The following MATR3 variants were observed in gnomAD, a reference collection of about 807,000 sequenced individuals.
The protein encoded by MATR3 is matrin-3.
MATR3 carries 4 observed loss-of-function variants against 85.5 expected under a neutral mutation model. The ratio of observed to expected loss-of-function variants is 0.05; its 90% CI spans 0.02 to 0.11. The LOEUF is 0.11. Ranked by LOEUF, MATR3 falls within the 10% of genes least tolerant of loss-of-function variation. The pLI is 1.00. For synonymous variants in MATR3, 336 were observed against 343.1 expected (o/e 0.98, Z 0.23); for missense variants, 685 against 1,016.1 (o/e 0.67, Z 4.43).
intron 9 of MATR3, among the ~76,000 whole-genome samples, chr5:139,321,585 C>G (rs1755571682): frequency 6.6e-6 from 1 of 152,122 alleles, no homozygotes; most frequent in African/African-American, 2.4e-5. Flanking sequence ...GAGCCCGAGA[C>G]CAGTCTAGGC....
intron 3 of MATR3, among the ~76,000 whole-genome samples, chr5:139,288,203 CCT>C (rs1753766734): frequency 6.6e-6 from 1 of 151,896 alleles, no homozygotes; most frequent in Non-Finnish European, 1.5e-5. Context: ...AACACGAGAC[CCT>C]GTCTCAAAAA....
chr5:139,301,852 G>A (rs11747676), intron 1 of MATR3, among the ~76,000 whole-genome samples: 83,200 of 151,964 alleles, frequency 0.55, 25,457 homozygotes, highest in Non-Finnish European at 0.7. Context: ...GAAGAAGACA[G>A]TATTATTCCA....
chr5:139,281,406 G>A (rs1266113896), intron 3 of MATR3, among the ~76,000 whole-genome samples: 1 of 137,548 alleles, frequency 7.3e-6, no homozygotes, highest in African/African-American at 2.7e-5. Context: ...GCAGTGGCAC[G>A]ATCTCAGCTC....
intron 14 of MATR3, among the ~76,000 whole-genome samples, chr5:139,328,018 C>G (rs1190898479): frequency 1.3e-5 from 2 of 151,874 alleles, no homozygotes; most frequent in East Asian, 3.9e-4. Flanking sequence ...TGTGCCACTT[C>G]GCCTGGCTAA....
chr5:139,280,957 A>AT (rs886358762), intron 3 of MATR3, among the ~76,000 whole-genome samples: 136 of 146,060 alleles, frequency 9.3e-4, no homozygotes, highest in South Asian at 3.9e-3. Context: ...ATCCCTGTCG[A>AT]TTTTTTTTTT....
chr5:139,283,199 G>A (rs1753593117), intron 3 of MATR3: 1 of 152,240 alleles, frequency 6.6e-6, no homozygotes, highest in African/African-American at 2.4e-5. Flanking sequence ...CCAGAACTAA[G>A]GGTTCTGATG....
chr5:139,310,945 G>C (rs1424705684), intron 2 of MATR3: 1 of 152,412 alleles, frequency 6.6e-6, no homozygotes, highest in African/African-American at 2.4e-5. Context: ...GGGATTACAG[G>C]CATGCGCCAC....
intron 1 of MATR3, among the ~76,000 whole-genome samples, chr5:139,296,185 G>T (rs1251276722): frequency 1.3e-5 from 2 of 152,140 alleles, no homozygotes; most frequent in African/African-American, 2.4e-5. Flanking sequence ...CAGTTATTAA[G>T]AATTTTTTTT....
intron 12 of MATR3, 130 bp downstream of exon 12, chr5:139,323,097 A>G (rs979928384): frequency 1.1e-6 from 1 of 927,824 alleles, no homozygotes; most frequent in Admixed American, 3.0e-5. Flanking sequence ...ATGAACCAGA[A>G]TATAAACATT....
intron 2 of MATR3, chr5:139,311,751 T>A (rs1475050827): frequency 1.8e-4 from 1 of 5,414 alleles, no homozygotes; most frequent in Non-Finnish European, 5.5e-4. Flanking sequence ...TAATTAATCC[T>A]TTTTTTTTTT....
intron 12 of MATR3, among the ~76,000 whole-genome samples, chr5:139,324,111 G>A (rs549727617): frequency 5.9e-5 from 9 of 152,124 alleles, no homozygotes; most frequent in South Asian, 2.1e-4. Flanking sequence ...AATGCCATAC[G>A]TTTTTCTAAG....
At chr5:139,324,105 C>T (rs1755716575) in intron 12 of MATR3, among the ~76,000 whole-genome samples, 1 of 152,012 alleles carries the variant, frequency 6.6e-6, no homozygotes, top group African/African-American at 2.4e-5. Flanking sequence ...GCATTTAATG[C>T]CATACGTTTT....
chr5:139,314,476 A>G (rs1348889191), intron 2 of MATR3, 199 bp from the exon 3 acceptor site: 2 of 545,748 alleles, frequency 3.7e-6, no homozygotes, highest in Non-Finnish European at 6.7e-6. Context: ...AAGAATGTGC[A>G]TAGCGTATTT....
intron 1 of MATR3, among the ~76,000 whole-genome samples, chr5:139,304,448 T>C (rs111503944): frequency 0.016 from 2,370 of 150,018 alleles, 70 homozygotes; most frequent in African/African-American, 0.055. Flanking sequence ...TGCAGTGAGC[T>C]GAGATCGTGC....
chr5:139,323,092 C>T, intron 12 of MATR3, 125 bp downstream of exon 12: 1 of 959,696 alleles, frequency 1.0e-6, no homozygotes, highest in Non-Finnish European at 1.5e-6. Flanking sequence ...CAGATATGAA[C>T]CAGAATATAA....
At chr5:139,312,554 C>T (rs566209943) in intron 2 of MATR3, 1 of 152,304 alleles carries the variant, frequency 6.6e-6, no homozygotes, top group Admixed American at 6.5e-5. Context: ...GATAATCTAG[C>T]TTTGAGAGAC....
chr5:139,318,825 A>G, intron 7 of MATR3, 83 bp from the exon 8 acceptor site: 1 of 1,337,614 alleles, frequency 7.5e-7, no homozygotes. Context: ...GGGCATTGTT[A>G]TTTTTTAGGA....
chr5:139,295,143 T>C (rs1223992508), intron 1 of MATR3: 1 of 152,222 alleles, frequency 6.6e-6, no homozygotes, highest in Non-Finnish European at 1.5e-5. Context: ...TTCAGGCTAT[T>C]TTAATAAATG....
intron 7 of MATR3, 22 bp from the exon 8 acceptor site, chr5:139,318,886 A>T: frequency 3.7e-6 from 6 of 1,613,290 alleles, no homozygotes; most frequent in Non-Finnish European, 5.1e-6. Context: ...AAACAGAGAA[A>T]TAACTTTTTG....
Sources: allele counts gnomAD v4.1 joint callset (sites outside exome capture counted in the v4.1 genomes callset), GRCh38; gene constraint gnomAD v4.1.1; transcripts MANE v1.5; gene names NCBI Gene and HGNC (gene_info 2026-07-23, HGNC 2026-07-21).